Variants in ATP10B observed in about 807,000 individuals in gnomAD.
ATP10B encodes the protein phospholipid-transporting ATPase VB.
In ATP10B, 122 loss-of-function variants were observed where a neutral mutation model predicts 141.2. The ratio of observed to expected loss-of-function variants is 0.86; its 90% CI spans 0.75 to 1.00. The LOEUF (loss-of-function observed/expected upper bound fraction) is 1.00, where lower values mean the gene tolerates loss of function less well. Ranked by LOEUF, ATP10B falls within the 50% of genes least tolerant of loss-of-function variation. The probability of loss-of-function intolerance (pLI) is 0.00; values close to 1 mark genes in which losing one functional copy is unlikely to be tolerated. For synonymous variants in ATP10B, 685 were observed against 692.0 expected (o/e 0.99, Z 0.16); for missense variants, 1,876 against 1,825.3 (o/e 1.03, Z -0.51).
At position 160,704,914 on chromosome 5, in the gene ATP10B, CTTTTT is replaced by C. The variant is rs1170629163; in HGVS notation, c.-205+11990_-205+11994del. Among the ~76,000 whole-genome samples, 18 of 83,638 alleles carry C rather than the reference CTTTTT, an allele frequency of 2.2e-4. No homozygotes were observed. The South Asian group carries it at 5.0e-3, about 23-fold the overall frequency. The allele number at this position is 83,638 out of a possible 152,430, so 54.9% of individuals were successfully genotyped here. On this transcript the variant is annotated intron_variant, in intron 3 of 25. Coordinates refer to ENST00000327245, the MANE Select transcript of ATP10B (RefSeq NM_025153.3). ...TGCTAGCTTCCAACATTTCTTTCAT[CTTTTT>C]TTTTTTTTTTTTTTTTGTTGAGACA...
chr5:160,888,450 G>A, the ATP10B span, among the ~76,000 whole-genome samples: 1 of 152,098 alleles, frequency 6.6e-6, no homozygotes, highest in Non-Finnish European at 1.5e-5. Context: ...ATGTCTAGGC[G>A]GCTTCTCTAA....
intron 13 of ATP10B, among the ~76,000 whole-genome samples, chr5:160,625,403 TC>T (rs1376248137): frequency 6.6e-6 from 1 of 152,236 alleles, no homozygotes; most frequent in African/African-American, 2.4e-5. Flanking sequence ...TTTCATTTTT[TC>T]AGAAAATAGA....
intron 24 of ATP10B, among the ~76,000 whole-genome samples, chr5:160,588,272 T>A (rs1042785608): frequency 1.3e-5 from 2 of 152,188 alleles, no homozygotes; most frequent in African/African-American, 4.8e-5. Flanking sequence ...AGAACTTCAA[T>A]ACTATGTTGA....
At chr5:160,652,174 G>A (rs919783883) in intron 7 of ATP10B, among the ~76,000 whole-genome samples, 120 of 152,172 alleles carry the variant, frequency 7.9e-4, no homozygotes, top group African/African-American at 2.3e-3. Context: ...TTCCTGCTGA[G>A]CACAGGACTT....
the ATP10B span, among the ~76,000 whole-genome samples, chr5:160,889,041 C>T: frequency 1.3e-5 from 2 of 152,094 alleles, no homozygotes; most frequent in Non-Finnish European, 2.9e-5. Flanking sequence ...GATAAGCCAC[C>T]TAAACCAAGC....
At chr5:160,857,695 T>C in the ATP10B span, among the ~76,000 whole-genome samples, 6 of 151,916 alleles carry the variant, frequency 3.9e-5, no homozygotes, top group African/African-American at 1.4e-4. Flanking sequence ...CCATTAATTT[T>C]ACTGTGTTGT....
chr5:160,604,500 A>G (rs1757270023), intron 19 of ATP10B, among the ~76,000 whole-genome samples: 1 of 152,200 alleles, frequency 6.6e-6, no homozygotes, highest in Non-Finnish European at 1.5e-5. Context: ...CCTCGGTCAA[A>G]CTTGAAATAC....
rs114722947 is a variant in ATP10B at position 160,789,790 on chromosome 5, G to A, written c.-575-3987C>T. Among the ~76,000 whole-genome samples, 174 of 152,268 alleles carry A rather than the reference G, an allele frequency of 1.1e-3. 1 individual carries two copies. The highest frequency in any genetic ancestry group is 6.8e-3 in the Middle Eastern group (2 of 294). On this transcript the variant is annotated intron_variant, in intron 1 of 25. Coordinates refer to ENST00000327245, the MANE Select transcript of ATP10B (RefSeq NM_025153.3). ...ACCTAGGTTCATGTCTCATTCTAAAGCACAAGGTTTAACTTCTAGGCAATA... is the reference window on the plus strand; with the variant it reads ...ACCTAGGTTCATGTCTCATTCTAAAACACAAGGTTTAACTTCTAGGCAATA...
the ATP10B span, among the ~76,000 whole-genome samples, chr5:160,915,339 T>G: frequency 1.3e-5 from 2 of 151,594 alleles, no homozygotes; most frequent in Non-Finnish European, 2.9e-5. Context: ...ACACTGACTT[T>G]TTTTTTTTTT....
intron 21 of ATP10B, among the ~76,000 whole-genome samples, chr5:160,601,636 T>A (rs979193102): frequency 6.6e-6 from 1 of 152,210 alleles, no homozygotes; most frequent in South Asian, 2.1e-4. Context: ...ATTGTTTGTA[T>A]TTTTATAGGG....
the ATP10B span, among the ~76,000 whole-genome samples, chr5:160,874,838 AG>A: frequency 6.8e-6 from 1 of 147,912 alleles, no homozygotes; most frequent in African/African-American, 2.5e-5. Flanking sequence ...TAGAGAAAAA[AG>A]AATAAAAAGA....
chr5:160,760,464 TC>T (rs1198189901), intron 2 of ATP10B, among the ~76,000 whole-genome samples: 2 of 152,200 alleles, frequency 1.3e-5, no homozygotes, highest in Non-Finnish European at 2.9e-5. Context: ...AGTTCCCCGT[TC>T]TTTTGGATTA....
the ATP10B span, among the ~76,000 whole-genome samples, chr5:160,884,758 G>A: frequency 6.6e-6 from 1 of 152,062 alleles, no homozygotes; most frequent in Non-Finnish European, 1.5e-5. Flanking sequence ...AAAATAAATA[G>A]CAGTCATACA....
chr5:160,857,013 G>T (rs1286436332), upstream of ATP10B, among the ~76,000 whole-genome samples: 1 of 151,600 alleles, frequency 6.6e-6, no homozygotes, highest in Non-Finnish European at 1.5e-5. Context: ...AAGGCTTTGG[G>T]TCTATAATTT....
In ATP10B at chr5:160,591,426, A is replaced by G. The variant is rs372801755; in HGVS notation, c.3565-287T>C. Among the ~76,000 whole-genome samples the G allele has an allele frequency of 1.5e-4, 23 of 152,366 alleles. No homozygotes were observed. The South Asian group carries it at 4.6e-3, about 30-fold the overall frequency. The stretch of plus-strand genomic sequence containing the variant: ...TATCTCCTTGGGGTTCAAGAGGAGT[A>G]AATGCAATTGTGCCTACCTAGTAAG... On this transcript the variant is annotated intron_variant, in intron 22 of 25. Transcript: ENST00000327245.
chr5:160,709,778 A>T (rs1227835882), intron 3 of ATP10B, among the ~76,000 whole-genome samples: 1 of 101,782 alleles, frequency 9.8e-6, no homozygotes, highest in Non-Finnish European at 1.9e-5. Context: ...ACCCCACCAC[A>T]GTCCCCAGAG....
intron 3 of ATP10B, among the ~76,000 whole-genome samples, chr5:160,704,670 G>C (rs960462506): frequency 6.6e-6 from 1 of 152,116 alleles, no homozygotes; most frequent in Non-Finnish European, 1.5e-5. Flanking sequence ...GAAAGTTGTA[G>C]ATGGCATCTT....
chr5:160,875,470 C>A, the ATP10B span, among the ~76,000 whole-genome samples: 1 of 102,242 alleles, frequency 9.8e-6, no homozygotes. Flanking sequence ...GAAGAAACTG[C>A]ATCAACTAAC....
In ATP10B at chr5:160,636,286, A is replaced by C. The variant is rs1361474394; in HGVS notation, c.1024T>G (p.Phe342Val). 1.2e-6 allele frequency: 2 copies of C among 1,613,302 alleles called. No homozygotes were observed. Among genetic ancestry groups the C allele is most frequent in the African/African-American group, 2.7e-5 (2 of 74,910 alleles). ...AVGHSIWNGT[F>V]EEHPPFDVPD... ...ACATCGAAGGGAGGGTGTTCTTCAA[A>C]GGTCCCATTCCAGATGCTGTGACCT... The change falls in exon 11 of 26, where the codon TTT becomes GTT. Residue 342 changes from phenylalanine to valine, a missense_variant. Physicochemically the swap from Phe to Val is conservative, Grantham distance 50 (BLOSUM62 -1). Coordinates refer to ENST00000327245, the MANE Select transcript of ATP10B (RefSeq NM_025153.3).
Sources: gnomAD v4.1 joint callset for allele counts (sites outside exome capture counted in the v4.1 genomes callset) on GRCh38, gnomAD v4.1.1 for gene constraint, MANE v1.5 for transcripts, NCBI Gene and HGNC (gene_info 2026-07-23, HGNC 2026-07-21) for gene names.